Variants in NFIL3 observed in about 807,000 individuals in gnomAD.
NFIL3 encodes the protein nuclear factor interleukin-3-regulated protein.
In NFIL3, 5 loss-of-function variants were observed where a neutral mutation model predicts 10.0. The ratio of observed to expected loss-of-function variants is 0.50; its 90% CI spans 0.26 to 1.06. The LOEUF (loss-of-function observed/expected upper bound fraction) is 1.06, where lower values mean the gene tolerates loss of function less well. Ranked by LOEUF, NFIL3 falls within the 50% of genes least tolerant of loss-of-function variation. The pLI is 0.13. For missense variants in NFIL3, 436 were observed against 547.6 expected (o/e 0.80, Z 2.03); for synonymous variants, 202 against 206.5 (o/e 0.98, Z 0.19).
upstream of NFIL3, among the ~76,000 whole-genome samples, chr9:91,424,370 C>A (rs541209436): frequency 2.6e-5 from 4 of 152,304 alleles, no homozygotes; most frequent in East Asian, 7.8e-4. Flanking sequence ...CGGACCTCGG[C>A]CTCCCCTTCC....
chr9:91,410,454 C>T lies in NFIL3; in HGVS notation c.281G>A (p.Arg94His). 1 of 1,614,204 alleles carries T rather than the reference C, an allele frequency of 6.2e-7. No individual in the cohort carries two copies. The highest frequency in any genetic ancestry group is 8.5e-7 in the Non-Finnish European group (1 of 1,180,030). ...CTCTAAAACCAGGTCATTCAGTCGA[C>T]GCTTCTCACGAGATCTTTTGGCAGC... ...NEAAKRSREK[R>H]RLNDLVLENK... Residue 94 changes from arginine (R) to histidine (H), a missense_variant, in exon 2 of 2, where the codon CGT becomes CAT. Around this residue, in one of 3 missense-constraint regions of NFIL3, gnomAD observed 22 missense variants for 74.7 expected, o/e 0.29. Transcript: ENST00000297689. This position sits in a 1 kb window ranked among gnomAD's most constrained non-coding sequence, Gnocchi z 5.7.
chr9:91,467,741 G>GTGT, the NFIL3 span, among the ~76,000 whole-genome samples: 1 of 147,080 alleles, frequency 6.8e-6, no homozygotes, highest in African/African-American at 2.5e-5. Context: ...TTGCGCCCAA[G>GTGT]TGTTCTCATT....
the NFIL3 span, among the ~76,000 whole-genome samples, chr9:91,477,991 G>A: frequency 2.6e-5 from 4 of 152,124 alleles, no homozygotes; most frequent in African/African-American, 4.8e-5. Context: ...CTCTCTTCTG[G>A]CTTGTAGGGT....
the NFIL3 span, among the ~76,000 whole-genome samples, chr9:91,445,036 T>G: frequency 4.6e-5 from 7 of 152,144 alleles, no homozygotes; most frequent in South Asian, 8.3e-4. Context: ...CACAAGTGGC[T>G]TTAGTTCTCT....
At chr9:91,424,936 G>A (rs938121873), upstream of NFIL3, among the ~76,000 whole-genome samples, 6 of 152,240 alleles carry the variant, frequency 3.9e-5, no homozygotes, top group African/African-American at 1.2e-4. Context: ...GGAAAAAAGA[G>A]CACCTAGCCG....
chr9:91,428,572 T>C (rs745850048), upstream of NFIL3, among the ~76,000 whole-genome samples: 15 of 152,236 alleles, frequency 9.9e-5, no homozygotes, highest in Non-Finnish European at 1.8e-4. Context: ...GCGATGGCTT[T>C]AAAGTATGGG....
upstream of NFIL3, chr9:91,427,195 A>C (rs1180105588): frequency 1.3e-5 from 2 of 149,110 alleles, no homozygotes; most frequent in African/African-American, 4.9e-5. Context: ...TTTTTTTGGT[A>C]AAATATCCTG....
At chr9:91,428,257 T>C (rs188059412), upstream of NFIL3, among the ~76,000 whole-genome samples, 13 of 152,328 alleles carry the variant, frequency 8.5e-5, no homozygotes, top group Middle Eastern at 3.4e-3. Flanking sequence ...ATTTACTCTA[T>C]TATTCTTAGT....
chr9:91,420,581 AC>A (rs1298390769), intron 1 of NFIL3, among the ~76,000 whole-genome samples: 1 of 152,136 alleles, frequency 6.6e-6, no homozygotes, highest in Non-Finnish European at 1.5e-5. Context: ...TAGGATCTGT[AC>A]CTCACCGAAA....
At chr9:91,430,508 C>T in the NFIL3 span, among the ~76,000 whole-genome samples, 7 of 152,092 alleles carry the variant, frequency 4.6e-5, no homozygotes, top group East Asian at 1.9e-4. Flanking sequence ...CGAATACTGT[C>T]GCGGTGTGGT....
chr9:91,421,072 G>C (rs1358420343), intron 1 of NFIL3, among the ~76,000 whole-genome samples: 1 of 152,134 alleles, frequency 6.6e-6, no homozygotes, highest in Non-Finnish European at 1.5e-5. Context: ...GCTTGGTTCC[G>C]AAATACAATG....
the NFIL3 span, among the ~76,000 whole-genome samples, chr9:91,471,001 T>C: frequency 1.3e-5 from 2 of 152,154 alleles, no homozygotes; most frequent in Non-Finnish European, 2.9e-5. Context: ...ATACTGTTGA[T>C]TTGGGGTGGA....
the NFIL3 span, among the ~76,000 whole-genome samples, chr9:91,433,644 C>A: frequency 1.1e-4 from 16 of 152,264 alleles, no homozygotes; most frequent in Non-Finnish European, 1.8e-4. Flanking sequence ...ATATCAGCAC[C>A]TGTTTACCTA....
At chr9:91,411,449 G>C (rs1047864883) in intron 1 of NFIL3, among the ~76,000 whole-genome samples, 4 of 152,126 alleles carry the variant, frequency 2.6e-5, no homozygotes, top group African/African-American at 9.7e-5. Flanking sequence ...AATACAAATG[G>C]AGACAAACTT....
the NFIL3 span, among the ~76,000 whole-genome samples, chr9:91,456,775 A>G: frequency 1.3e-5 from 2 of 152,132 alleles, no homozygotes; most frequent in African/African-American, 4.8e-5. Context: ...TGCCTATCAC[A>G]TGATGACAAG....
At chr9:91,454,378 A>G in the NFIL3 span, among the ~76,000 whole-genome samples, 1 of 151,840 alleles carries the variant, frequency 6.6e-6, no homozygotes, top group Admixed American at 6.6e-5. Context: ...TCCCAACAAT[A>G]TTTGCCTTTT....
Position 91,419,284 on chromosome 9 carries a change from A to G in NFIL3, c.-173+4356T>C, listed in dbSNP as rs149051330. Among the ~76,000 whole-genome samples the G allele has an allele frequency of 5.9e-5, 9 of 152,366 alleles. No individual in the cohort carries two copies. The East Asian group carries it at 1.7e-3, about 29-fold the overall frequency. ...ATATGAGTTTAACCTGGGTAAAAAT[A>G]AAGCCCAGGCAATATGACTGCACCT... is the stretch of plus-strand genomic sequence containing the variant. On this transcript the variant is annotated intron_variant, in intron 1 of 1. Transcript: ENST00000297689.
the NFIL3 span, among the ~76,000 whole-genome samples, chr9:91,442,505 C>T: frequency 6.6e-6 from 1 of 152,180 alleles, no homozygotes; most frequent in Non-Finnish European, 1.5e-5. Context: ...GCTTATGCTA[C>T]CAGCCTGTAA....
chr9:91,468,128 C>T, the NFIL3 span, among the ~76,000 whole-genome samples: 1 of 152,128 alleles, frequency 6.6e-6, no homozygotes, highest in Non-Finnish European at 1.5e-5. Context: ...TTCCACAATG[C>T]TTGAACTAGT....
Sources: gnomAD v4.1 joint callset for allele counts (sites outside exome capture counted in the v4.1 genomes callset) on GRCh38, gnomAD v4.1.1 for gene constraint, gnomAD v4.1.1 regional missense constraint, Gnocchi (gnomAD v3.1) non-coding constraint, MANE v1.5 for transcripts, NCBI Gene and HGNC (gene_info 2026-07-23, HGNC 2026-07-21) for gene names.